BRINP1: variants seen among roughly 807,000 people sequenced by gnomAD.
BRINP1 encodes BMP/retinoic acid inducible neural specific 1.
BRINP1 carries 17 observed loss-of-function variants against 72.9 expected under a neutral mutation model. That is an observed-to-expected ratio of 0.23 (90% CI 0.16 to 0.35). The LOEUF is 0.35. Ranked by LOEUF, BRINP1 falls within the 10% of genes least tolerant of loss-of-function variation. BRINP1 has a pLI of 1.00. For synonymous variants in BRINP1, 418 were observed against 378.5 expected (o/e 1.10, Z -1.21); for missense variants, 850 against 1,001.6 (o/e 0.85, Z 2.04).
At chr9:119,355,835 T>A (rs1422135127) in intron 1 of BRINP1, among the ~76,000 whole-genome samples, 1 of 152,150 alleles carries the variant, frequency 6.6e-6, no homozygotes. Flanking sequence ...CATTCTATGC[T>A]CTGTTTTGTT....
At chr9:119,237,851 T>G (rs187745106) in intron 5 of BRINP1, among the ~76,000 whole-genome samples, 1 of 149,630 alleles carries the variant, frequency 6.7e-6, no homozygotes, top group Non-Finnish European at 1.5e-5. Context: ...TAGTAGAGAC[T>G]GGGCTTCACC....
chr9:119,336,459 G>A (rs552441946), intron 1 of BRINP1, among the ~76,000 whole-genome samples: 2 of 152,234 alleles, frequency 1.3e-5, no homozygotes, highest in South Asian at 2.1e-4. Flanking sequence ...GAGCAATCAC[G>A]CTGTAATGTG....
rs746345473 is a variant in BRINP1 at position 119,215,708 on chromosome 9, G to A, written c.686-1553C>T. On this transcript the variant is annotated intron_variant, in intron 5 of 7. Coordinates refer to ENST00000265922, the MANE Select transcript of BRINP1 (RefSeq NM_014618.3). ...CCATCCTTTCAACCTGTCTTCACAT[G>A]GCAGCTAAAAGAGAATATTTTCAGA... Among the ~76,000 whole-genome samples, 15 of 152,122 alleles carry A rather than the reference G, an allele frequency of 9.9e-5. 1 individual carries two copies. The South Asian group carries it at 1.7e-3, about 17-fold the overall frequency.
At chr9:119,246,593 G>A (rs147412401) in intron 3 of BRINP1, among the ~76,000 whole-genome samples, 95 of 152,198 alleles carry the variant, frequency 6.2e-4, no homozygotes, top group African/African-American at 1.8e-3. Context: ...TATTAGTTCC[G>A]TCACTGTAGA....
intron 1 of BRINP1, among the ~76,000 whole-genome samples, chr9:119,354,886 A>G (rs892792707): frequency 1.3e-4 from 20 of 152,312 alleles, no homozygotes; most frequent in African/African-American, 4.8e-4. Flanking sequence ...AAACGTAAGT[A>G]TAAATCACTT....
chr9:119,286,522 C>T (rs1830762217), intron 2 of BRINP1, among the ~76,000 whole-genome samples: 1 of 152,260 alleles, frequency 6.6e-6, no homozygotes, highest in Admixed American at 6.5e-5. Context: ...GCGTGAGCCA[C>T]TGCGCCCGGC....
chr9:119,362,854 T>G (rs1430746476), intron 1 of BRINP1, among the ~76,000 whole-genome samples: 3 of 152,228 alleles, frequency 2.0e-5, no homozygotes, highest in Non-Finnish European at 4.4e-5. Context: ...TACTTGACAA[T>G]GACCTTCTGT....
chr9:119,238,321 C>T (rs1002935761), intron 5 of BRINP1, among the ~76,000 whole-genome samples: 2 of 151,852 alleles, frequency 1.3e-5, no homozygotes, highest in East Asian at 1.9e-4. Context: ...GTATATGGAG[C>T]CCCAAACATA....
At chr9:119,195,597 C>T (rs566334655) in intron 7 of BRINP1, among the ~76,000 whole-genome samples, 1 of 152,302 alleles carries the variant, frequency 6.6e-6, no homozygotes, top group African/African-American at 2.4e-5. Context: ...TTAGGAATGT[C>T]CCTAAGCCAC....
chr9:119,217,361 A>G (rs1829989294), intron 5 of BRINP1, among the ~76,000 whole-genome samples: 1 of 151,988 alleles, frequency 6.6e-6, no homozygotes, highest in Admixed American at 6.6e-5. Flanking sequence ...AGAGAAAGAG[A>G]GAGAGAGAAA....
chr9:119,318,847 GT>G (rs1564247103), intron 1 of BRINP1, among the ~76,000 whole-genome samples: 1,071 of 63,792 alleles, frequency 0.017, 9 homozygotes, highest in East Asian at 0.13. Flanking sequence ...TGTGTGGGGT[GT>G]GTGTGTGTGT....
In BRINP1 at chr9:119,248,239, A is replaced by T. The variant is rs1188712964; in HGVS notation, c.409+721T>A. On this transcript the variant is annotated intron_variant, in intron 3 of 7. Transcript: ENST00000265922. ...TGAGTATGTGGCACAGCGCTCTATC[A>T]CTAAAGGGGCTTCCTCAAAGTTCAG... Among the ~76,000 whole-genome samples the T allele has an allele frequency of 2.6e-5, 4 of 152,230 alleles. No homozygotes were observed. The East Asian group carries it at 7.7e-4, about 29-fold the overall frequency.
In BRINP1 at chr9:119,332,496, T is replaced by C. The variant is rs886526218; in HGVS notation, c.-50-19091A>G. Among the ~76,000 whole-genome samples the C allele has an allele frequency of 6.6e-5, 10 of 152,252 alleles. No individual in the cohort carries two copies. In the South Asian group the frequency reaches 1.5e-3, roughly 22 times the overall value. ...TAAGGAGGTAGAATCTATTCCCCTTTCCTTGAATTTGGGCTCATCTTCATA... is the reference window on the plus strand; with the variant it reads ...TAAGGAGGTAGAATCTATTCCCCTTCCCTTGAATTTGGGCTCATCTTCATA... On this transcript the variant is annotated intron_variant, in intron 1 of 7. Coordinates refer to ENST00000265922, the MANE Select transcript of BRINP1 (RefSeq NM_014618.3).
At chr9:119,272,115 G>C (rs1229019512) in intron 2 of BRINP1, among the ~76,000 whole-genome samples, 1 of 143,042 alleles carries the variant, frequency 7.0e-6, no homozygotes, top group African/African-American at 2.6e-5. Context: ...AAAACAGCCT[G>C]TCACTCAGGC....
At chr9:119,183,114 T>C (rs942968499) in intron 7 of BRINP1, among the ~76,000 whole-genome samples, 1 of 152,206 alleles carries the variant, frequency 6.6e-6, no homozygotes, top group Non-Finnish European at 1.5e-5. Flanking sequence ...GAAGTATGTA[T>C]TAAAATAGCC....
Position 119,265,884 on chromosome 9 carries a change from T to C in BRINP1, c.219-16734A>G, listed in dbSNP as rs372211244. ...GTTTTTCAATCCTCAACCTCCTCGCTCCCTCTCTCCTCCTTCAAGTGGGTC... is the reference window on the plus strand; with the variant it reads ...GTTTTTCAATCCTCAACCTCCTCGCCCCCTCTCTCCTCCTTCAAGTGGGTC... On this transcript the variant is annotated intron_variant, in intron 2 of 7. Coordinates refer to ENST00000265922, the MANE Select transcript of BRINP1 (RefSeq NM_014618.3). Among the ~76,000 whole-genome samples, 15 of 152,280 alleles carry C rather than the reference T, an allele frequency of 9.9e-5. No homozygotes were observed. The East Asian group carries it at 1.7e-3, about 18-fold the overall frequency.
chr9:119,345,267 T>C (rs1440829415), intron 1 of BRINP1, among the ~76,000 whole-genome samples: 2 of 152,194 alleles, frequency 1.3e-5, no homozygotes, highest in Non-Finnish European at 2.9e-5. Flanking sequence ...TGTTAGACTT[T>C]AGTTTCATCT....
chr9:119,175,380 G>T (rs1829474990), intron 7 of BRINP1, among the ~76,000 whole-genome samples: 1 of 152,054 alleles, frequency 6.6e-6, no homozygotes. Context: ...AGGGGTTGGG[G>T]GGCTAGGGGA....
At chr9:119,169,799 G>A (rs1353061615) in intron 7 of BRINP1, among the ~76,000 whole-genome samples, 6 of 152,216 alleles carry the variant, frequency 3.9e-5, no homozygotes, top group Admixed American at 1.3e-4. Flanking sequence ...CGGGCAGACT[G>A]CCTCCTCAAG....
Sources: gnomAD v4.1 joint callset for allele counts (sites outside exome capture counted in the v4.1 genomes callset) on GRCh38, gnomAD v4.1.1 for gene constraint, MANE v1.5 for transcripts, NCBI Gene and HGNC (gene_info 2026-07-23, HGNC 2026-07-21) for gene names.